The following KIAA1549L variants were observed in gnomAD, a reference collection of about 807,000 sequenced individuals.
KIAA1549L encodes KIAA1549 like.
Under a neutral mutation model 160.7 loss-of-function variants are expected in KIAA1549L, and 88 were observed. The ratio of observed to expected loss-of-function variants is 0.55; its 90% CI spans 0.46 to 0.65. The LOEUF (loss-of-function observed/expected upper bound fraction) is 0.65. Among genes scored for constraint, KIAA1549L ranks in the 30% least tolerant of loss-of-function variants. KIAA1549L has a pLI of 0.00. For synonymous variants in KIAA1549L, 950 were observed against 976.7 expected (o/e 0.97, Z 0.51); for missense variants, 2,258 against 2,437.5 (o/e 0.93, Z 1.55).
intron 1 of KIAA1549L, among the ~76,000 whole-genome samples, chr11:33,454,933 C>CAA (rs919245120): frequency 6.6e-6 from 1 of 151,924 alleles, no homozygotes; most frequent in African/African-American, 2.4e-5. Context: ...ACTAAAAATA[C>CAA]AAAAAAATAG....
intron 1 of KIAA1549L, among the ~76,000 whole-genome samples, chr11:33,456,556 A>G (rs1322121765): frequency 6.6e-6 from 1 of 152,072 alleles, no homozygotes; most frequent in African/African-American, 2.4e-5. Flanking sequence ...GACCACAGAC[A>G]TGAGCCACCA....
chr11:33,544,352 C>A lies in KIAA1549L; in HGVS notation c.2773+16C>A, dbSNP rs548305207. On this transcript the variant is annotated intron_variant, in intron 2 of 20. Coordinates refer to ENST00000658780, the MANE Select transcript of KIAA1549L (RefSeq NM_012194.3). ...AAATGGACAGGTGCAGCCACTAATG[C>A]AGGTAGTTTGTTTCCCGGTACCCCC... is the stretch of plus-strand genomic sequence containing the variant. The A allele has an allele frequency of 6.2e-6, 10 of 1,612,096 alleles. No individual in the cohort carries two copies. The East Asian group carries it at 2.0e-4, about 32-fold the overall frequency.
chr11:33,670,030 C>T lies in KIAA1549L; in HGVS notation c.*1876C>T, dbSNP rs977820549. On this transcript the variant is annotated 3_prime_UTR_variant, in exon 21 of 21. Transcript: ENST00000658780. Reference sequence around the variant, plus strand: ...AGTTTGCAAAACACTGTGGACAGTGCGAGATTTTATTGACAGGTTAACACA... The same window carrying T: ...AGTTTGCAAAACACTGTGGACAGTGTGAGATTTTATTGACAGGTTAACACA... 5.9e-5 allele frequency: 9 copies of T among 152,170 alleles called. No homozygotes were observed. The highest frequency in any genetic ancestry group is 5.9e-4 in the Admixed American group (9 of 15,286). The allele number at this position is 152,170 out of a possible 1,614,324, so 9.4% of individuals were successfully genotyped here. A position where few individuals can be genotyped will look rare whatever the true frequency, so the allele number is the denominator to read the frequency against.
intron 17 of KIAA1549L, among the ~76,000 whole-genome samples, chr11:33,653,416 T>G (rs1851952549): frequency 6.6e-6 from 1 of 152,240 alleles, no homozygotes. Flanking sequence ...CACTTCTAGG[T>G]TGACTCCTCT....
chr11:33,385,430 TG>T (rs1565114768), intron 1 of KIAA1549L, among the ~76,000 whole-genome samples: 1 of 152,226 alleles, frequency 6.6e-6, no homozygotes, highest in Non-Finnish European at 1.5e-5. Context: ...TATTTCTGAC[TG>T]CCTGGTAGAT....
intron 4 of KIAA1549L, among the ~76,000 whole-genome samples, chr11:33,548,402 AAC>A (rs1292879385): frequency 6.6e-6 from 1 of 152,156 alleles, no homozygotes; most frequent in African/African-American, 2.4e-5. Flanking sequence ...CTGCCTCAAA[AAC>A]ACACACACAA....
chr11:33,599,997 A>G (rs923361253), intron 13 of KIAA1549L, among the ~76,000 whole-genome samples: 1 of 149,480 alleles, frequency 6.7e-6, no homozygotes, highest in African/African-American at 2.5e-5. Context: ...TATCACTTTT[A>G]TTTTTTTTTT....
intron 1 of KIAA1549L, among the ~76,000 whole-genome samples, chr11:33,515,892 C>T (rs1233717985): frequency 6.6e-6 from 1 of 152,178 alleles, no homozygotes; most frequent in Non-Finnish European, 1.5e-5. Context: ...GCAAGTCACT[C>T]AAGCATTATT....
intron 9 of KIAA1549L, among the ~76,000 whole-genome samples, chr11:33,571,233 A>C (rs1300739593): frequency 1.3e-5 from 2 of 151,650 alleles, no homozygotes; most frequent in Admixed American, 6.6e-5. Flanking sequence ...CAGTTAGCTG[A>C]GATTGCACCC....
At chr11:33,634,883 G>C (rs1191362593) in intron 16 of KIAA1549L, among the ~76,000 whole-genome samples, 1 of 152,116 alleles carries the variant, frequency 6.6e-6, no homozygotes, top group Non-Finnish European at 1.5e-5. Context: ...CATAGCCCTG[G>C]AGTGATCGTA....
intron 1 of KIAA1549L, chr11:33,403,446 G>A (rs1021550531): frequency 1.6e-5 from 1 of 63,492 alleles, no homozygotes; most frequent in Admixed American, 1.6e-4. Flanking sequence ...CATACATGCA[G>A]ACACACACAG....
chr11:33,487,260 C>T lies in KIAA1549L; in HGVS notation c.239-54542C>T, dbSNP rs375678759. 4.3e-4 allele frequency among the ~76,000 whole-genome samples: 65 copies of T among 152,238 alleles called. No homozygotes were observed. In the South Asian group the frequency reaches 0.013, roughly 31 times the overall value. On this transcript the variant is annotated intron_variant, in intron 1 of 20. Transcript: ENST00000658780. Reference sequence around the variant, plus strand: ...CTAGCTGTAGATCATCTGCAAGACTCTTGCGGATCATGGAGACTAATTTGG... The same window carrying T: ...CTAGCTGTAGATCATCTGCAAGACTTTTGCGGATCATGGAGACTAATTTGG...
chr11:33,429,888 A>T (rs1851195101), intron 1 of KIAA1549L, among the ~76,000 whole-genome samples: 1 of 152,046 alleles, frequency 6.6e-6, no homozygotes, highest in Admixed American at 6.5e-5. Flanking sequence ...GAAGTAGCCT[A>T]CTAATTGGTC....
intron 1 of KIAA1549L, among the ~76,000 whole-genome samples, chr11:33,406,045 T>C (rs565308273): frequency 1.4e-4 from 21 of 152,278 alleles, no homozygotes; most frequent in Non-Finnish European, 2.2e-4. Context: ...CCTTGAATGA[T>C]TCTGGCAGTT....
chr11:33,617,687 T>C (rs1393626118), intron 15 of KIAA1549L, among the ~76,000 whole-genome samples: 1 of 152,206 alleles, frequency 6.6e-6, no homozygotes, highest in Non-Finnish European at 1.5e-5. Context: ...ATGTAATCTC[T>C]AGGAGAGGAG....
intron 16 of KIAA1549L, among the ~76,000 whole-genome samples, chr11:33,625,445 G>A (rs1564929746): frequency 6.6e-6 from 1 of 152,206 alleles, no homozygotes; most frequent in African/African-American, 2.4e-5. Context: ...TTTAATGATT[G>A]CCATTCTAAC....
Position 33,568,107 on chromosome 11 carries a change from C to T in KIAA1549L, c.4110C>T (p.Gly1370=). 2 of 1,612,064 alleles carry T rather than the reference C, an allele frequency of 1.2e-6. No individual in the cohort carries two copies. Among genetic ancestry groups the T allele is most frequent in the East Asian group, 2.2e-5 (1 of 44,776 alleles). Residue 1370 remains glycine (G), a synonymous_variant, in exon 9 of 21, where the codon GGC becomes GGT. Coordinates refer to ENST00000658780, the MANE Select transcript of KIAA1549L (RefSeq NM_012194.3). ...VLQGVDNSLV[G]LHNQSFARVM... Reference sequence around the variant, plus strand: ...AGGGTGTGGACAATTCGCTGGTGGGCCTGCACAACCAGAGCTTTGCCCGGG... The same window carrying T: ...AGGGTGTGGACAATTCGCTGGTGGGTCTGCACAACCAGAGCTTTGCCCGGG...
chr11:33,492,253 G>A (rs753427693), intron 1 of KIAA1549L, among the ~76,000 whole-genome samples: 27 of 152,060 alleles, frequency 1.8e-4, no homozygotes, highest in Non-Finnish European at 2.9e-4. Context: ...CTGTAATCCC[G>A]GCCACTGGGG....
rs1267835483 is a variant in KIAA1549L at position 33,672,550 on chromosome 11, C to CA, written c.*4401dup. 2 of 153,780 alleles carry CA rather than the reference C, an allele frequency of 1.3e-5. No individual in the cohort carries two copies. The highest frequency in any genetic ancestry group is 4.8e-5 in the African/African-American group (2 of 41,440). The allele number at this position is 153,780 out of a possible 1,614,324, so 9.5% of individuals were successfully genotyped here. A position where few individuals can be genotyped will look rare whatever the true frequency, so the allele number is the denominator to read the frequency against. On this transcript the variant is annotated 3_prime_UTR_variant, in exon 21 of 21. Coordinates refer to ENST00000658780, the MANE Select transcript of KIAA1549L (RefSeq NM_012194.3). ...AAGGAGCATGAGTGGGCAAGACCTT[C>CA]AAAAAGAACCTACTACACACTGGAA...
Sources: allele counts gnomAD v4.1 joint callset (sites outside exome capture counted in the v4.1 genomes callset), GRCh38; gene constraint gnomAD v4.1.1; transcripts MANE v1.5; gene names NCBI Gene and HGNC (gene_info 2026-07-23, HGNC 2026-07-21).